Variants in SLC26A9 observed in about 807,000 individuals in gnomAD.
SLC26A9 encodes anion transporter/exchanger protein 9.
A neutral mutation model predicts 87.1 loss-of-function variants in SLC26A9; 46 were observed. That is an observed-to-expected ratio of 0.53 (90% CI 0.42 to 0.67). The LOEUF (loss-of-function observed/expected upper bound fraction) is 0.67, where lower values mean the gene tolerates loss of function less well. SLC26A9 is among the 30% of genes least tolerant of loss of function. The pLI is 0.00. For missense variants in SLC26A9, 927 were observed against 1,018.3 expected (o/e 0.91, Z 1.22); for synonymous variants, 437 against 409.1 (o/e 1.07, Z -0.82).
At chr1:205,935,865 G>A in intron 1 of SLC26A9, 27 bp from the exon 2 acceptor site, 1 of 1,597,590 alleles carries the variant, frequency 6.3e-7, no homozygotes, top group Non-Finnish European at 8.5e-7. Context: ...GGAGGGGAGG[G>A]TGAGGGAACA....
chr1:205,930,096 T>C, intron 5 of SLC26A9, 40 bp from the exon 6 acceptor site: 1 of 1,565,476 alleles, frequency 6.4e-7, no homozygotes. Context: ...GGAAGACCAA[T>C]GTGGTTCAGC....
intron 8 of SLC26A9, 152 bp downstream of exon 8, chr1:205,928,675 A>C (rs1659180058): frequency 2.8e-6 from 2 of 708,546 alleles, no homozygotes; most frequent in Admixed American, 5.6e-5. Flanking sequence ...GGCCCTTCTC[A>C]GGAAACGGTA....
intron 20 of SLC26A9, 32 bp from the exon 21 acceptor site, chr1:205,915,436 G>T: frequency 2.5e-6 from 4 of 1,613,592 alleles, no homozygotes; most frequent in Non-Finnish European, 3.4e-6. Context: ...AGTGGGAGGG[G>T]AAGAGAGAGG....
At position 205,923,322 on chromosome 1, in the gene SLC26A9, G is replaced by A. The variant is rs1375847026; in HGVS notation, c.1659+13C>T. 4 of 1,614,000 alleles carry A rather than the reference G, an allele frequency of 2.5e-6. No homozygotes were observed. In the East Asian group the frequency reaches 8.9e-5, roughly 36 times the overall value. On this transcript the variant is annotated intron_variant, in intron 15 of 20. Transcript: ENST00000367135. ...CTGTCCAGAGCCTCTGGTCGCCAGG[G>A]ACTGAGCCTTACCTTGGCGATGACC...
At chr1:205,921,955 C>A (rs1658855050) in intron 16 of SLC26A9, 108 bp from the exon 17 acceptor site, 1 of 1,363,374 alleles carries the variant, frequency 7.3e-7, no homozygotes, top group South Asian at 1.4e-5. Flanking sequence ...GAATAACTCG[C>A]CTCGGTGATG....
chr1:205,919,476 T>C, intron 18 of SLC26A9, among the ~76,000 whole-genome samples: 1 of 152,178 alleles, frequency 6.6e-6, no homozygotes, highest in East Asian at 1.9e-4. Flanking sequence ...TCATTGCCAC[T>C]GCAGATTCTC....
At chr1:205,936,720 G>A (rs1251988876) in intron 1 of SLC26A9, among the ~76,000 whole-genome samples, 1 of 152,184 alleles carries the variant, frequency 6.6e-6, no homozygotes, top group Non-Finnish European at 1.5e-5. Context: ...AGATGGGGAA[G>A]GCTTAGAGTG....
rs756594112 is a variant in SLC26A9 at position 205,935,701 on chromosome 1, G to A, written c.120C>T (p.Ala40=). Residue 40 remains alanine, a synonymous_variant, in exon 2 of 21, where the codon GCC becomes GCT. Transcript: ENST00000367135. ...CTGGGCTCTGGACCAGTTACCTGAA[G>A]GCATTGCGAAGTTTCTCTCCCACTG... The part of the protein sequence containing the change: ...TYPVGEKLRN[A]FRCSSAKIKA... The A allele has an allele frequency of 5.0e-6, 8 of 1,614,036 alleles. No homozygotes were observed. In the South Asian group the frequency reaches 8.8e-5, roughly 18 times the overall value.
At position 205,927,997 on chromosome 1, in the gene SLC26A9, T is replaced by C; in HGVS notation, c.1006A>G (p.Thr336Ala). Reference protein sequence around the residue: ...VVSQWKDMIGTAFSLAIVSYV... With the variant: ...VVSQWKDMIGAAFSLAIVSYV... Reference sequence around the variant, plus strand: ...CTCACGATGGCTAGGGAGAAGGCTGTGCCTATCATGTCCTTCCACTGTGAG... The same window carrying C: ...CTCACGATGGCTAGGGAGAAGGCTGCGCCTATCATGTCCTTCCACTGTGAG... The change falls in exon 9 of 21, where the codon ACA becomes GCA. Residue 336 changes from threonine (T) to alanine (A), a missense_variant. Physicochemically the swap from Thr to Ala is moderately conservative, Grantham distance 58. Transcript: ENST00000367135. 6.2e-7 allele frequency: 1 copy of C among 1,614,090 alleles called. No individual in the cohort carries two copies. Among genetic ancestry groups the C allele is most frequent in the Non-Finnish European group, 8.5e-7 (1 of 1,179,986 alleles).
chr1:205,935,995 G>A (rs753275219), intron 1 of SLC26A9, among the ~76,000 whole-genome samples, 157 bp from the exon 2 acceptor site: 5 of 152,082 alleles, frequency 3.3e-5, no homozygotes, highest in East Asian at 1.9e-4. Flanking sequence ...AAGTTTTTCC[G>A]TCAGACTCCC....
rs185066190 is a variant in SLC26A9 at position 205,926,804 on chromosome 1, A to G, written c.1294-174T>C. ...TAGGTTTGGAAAGTGCTGGCGTTAG[A>G]GCCATGGGGTCCTTCCTGGCCCCAT... is the stretch of plus-strand genomic sequence containing the variant. On this transcript the variant is annotated intron_variant, in intron 11 of 20. Transcript: ENST00000367135. Among the ~76,000 whole-genome samples the G allele has an allele frequency of 2.5e-3, 379 of 152,310 alleles. 2 individuals are homozygous for G. Among genetic ancestry groups the G allele is most frequent in the Non-Finnish European group, 4.6e-3 (310 of 68,028 alleles).
intron 12 of SLC26A9, 91 bp downstream of exon 12, chr1:205,926,443 AG>A: frequency 9.6e-7 from 1 of 1,042,576 alleles, no homozygotes; most frequent in Non-Finnish European, 1.5e-6. Context: ...AGCAGACTAG[AG>A]GGTTCATTGT....
intron 11 of SLC26A9, 97 bp downstream of exon 11, chr1:205,927,114 C>G: frequency 8.0e-7 from 1 of 1,253,176 alleles, no homozygotes; most frequent in Non-Finnish European, 1.2e-6. Flanking sequence ...AGTGTGACAA[C>G]AGTGGCACTT....
At chr1:205,942,012 A>C (rs1214021263) in intron 1 of SLC26A9, among the ~76,000 whole-genome samples, 1 of 152,176 alleles carries the variant, frequency 6.6e-6, no homozygotes, top group East Asian at 1.9e-4. Context: ...TCTTCCAAGT[A>C]GTGACCCCAC....
rs959081992 is a variant in SLC26A9 at position 205,914,838 on chromosome 1, G to C, written c.*519C>G. On this transcript the variant is annotated 3_prime_UTR_variant, in exon 21 of 21. Coordinates refer to ENST00000367135, the MANE Select transcript of SLC26A9 (RefSeq NM_052934.4). ...GGTCCCTGGGTGCAGAGCTGCCAGA[G>C]ACAGAGTTGAGGCAGCTGGGGAAGG... 6.4e-7 allele frequency: 1 copy of C among 1,564,652 alleles called. No individual in the cohort carries two copies. The highest frequency in any genetic ancestry group is 1.3e-5 in the African/African-American group (1 of 74,080).
Position 205,915,266 on chromosome 1 carries a change from C to T in SLC26A9, c.*91G>A, listed in dbSNP as rs527425381. The T allele has an allele frequency of 3.7e-4, 596 of 1,600,170 alleles. 2 individuals are homozygous for T. The African/African-American group carries it at 5.8e-3, about 16-fold the overall frequency. ...AAGCTCTGGGGGATGCACTTTCCTC[C>T]GCCCGACACCCCCTGTGACCCCAGG... is the stretch of plus-strand genomic sequence containing the variant. On this transcript the variant is annotated 3_prime_UTR_variant, in exon 21 of 21. Transcript: ENST00000367135.
In SLC26A9 at chr1:205,913,573, C is replaced by T. The variant is rs1052869858; in HGVS notation, c.*1784G>A. 6.5e-6 allele frequency: 1 copy of T among 152,682 alleles called. No individual in the cohort carries two copies. The highest frequency in any genetic ancestry group is 2.4e-5 in the African/African-American group (1 of 41,440). 9.5% of individuals were successfully genotyped at this position (152,682 alleles called of 1,614,324 possible). ...GAGGCTCTGTGACCTTCTCCCACCT[C>T]CTGGGCCTGAGCTGGACTTGGAAGG... On this transcript the variant is annotated 3_prime_UTR_variant, in exon 21 of 21. Coordinates refer to ENST00000367135, the MANE Select transcript of SLC26A9 (RefSeq NM_052934.4).
rs1658985373 is a variant in SLC26A9, at chr1:205,924,458, AAGG to A, written c.1418_1420del (p.Ser473del). On this transcript the variant is annotated inframe_deletion, in exon 13 of 21. Transcript: ENST00000367135. ...CACACCATAGGGCAGGCTGAGGAAGAAGGAGGAGAGGAAGCTCACTACCCAGAT... is the reference window on the plus strand; with the variant it reads ...CACACCATAGGGCAGGCTGAGGAAGAAGGAGAGGAAGCTCACTACCCAGAT... 1 of 1,614,076 alleles carries A rather than the reference AAGG, an allele frequency of 6.2e-7. No individual in the cohort carries two copies. The highest frequency in any genetic ancestry group is 1.1e-5 in the South Asian group (1 of 91,084).
In SLC26A9 at chr1:205,927,583, C is replaced by T. The variant is rs550446528; in HGVS notation, c.1124G>A (p.Ser375Asn). The T allele has an allele frequency of 1.2e-6, 2 of 1,614,112 alleles. No individual in the cohort carries two copies. Among genetic ancestry groups the T allele is most frequent in the Non-Finnish European group, 1.7e-6 (2 of 1,179,980 alleles). ...SNQEMIALGC[S>N]NFFGSFFKIH... ...TTTAAAGAAGGAGCCAAAGAAGTTG[C>T]TGCAGCCGAGAGCGATCATCTCCTG... is the stretch of plus-strand genomic sequence containing the variant. Residue 375 changes from serine to asparagine, a missense_variant, in exon 10 of 21, where the codon AGC becomes AAC. Coordinates refer to ENST00000367135, the MANE Select transcript of SLC26A9 (RefSeq NM_052934.4).
Sources: allele counts gnomAD v4.1 joint callset (sites outside exome capture counted in the v4.1 genomes callset), GRCh38; gene constraint gnomAD v4.1.1; transcripts MANE v1.5; gene names NCBI Gene and HGNC (gene_info 2026-07-23, HGNC 2026-07-21).